PCDH15: variants seen among roughly 807,000 people sequenced by gnomAD.
PCDH15 encodes protocadherin related 15.
PCDH15 carries 129 observed loss-of-function variants against 178.5 expected under a neutral mutation model. The observed-to-expected ratio is 0.72, with a 90% CI of 0.63 to 0.84. The LOEUF is 0.84. PCDH15 is among the 40% of genes least tolerant of loss of function. The pLI, the probability that PCDH15 is intolerant of heterozygous loss-of-function variation, is 0.00. For missense variants in PCDH15, 2,230 were observed against 2,099.9 expected (o/e 1.06, Z -1.21); for synonymous variants, 800 against 732.0 (o/e 1.09, Z -1.50).
chr10:55,252,436 T>C (rs1841863228), intron 1 of PCDH15, among the ~76,000 whole-genome samples: 3 of 152,118 alleles, frequency 2.0e-5, no homozygotes, highest in Admixed American at 2.0e-4. Context: ...TTTTAAAAAA[T>C]ATTTAATTAT....
chr10:55,521,752 C>T (rs1460670894), intron 2 of PCDH15, among the ~76,000 whole-genome samples: 1 of 151,806 alleles, frequency 6.6e-6, no homozygotes, highest in East Asian at 1.9e-4. Context: ...CACAATAAAC[C>T]TATGGTAAGC....
chr10:54,903,427 A>G (rs1564617900), intron 2 of PCDH15, among the ~76,000 whole-genome samples: 1 of 152,176 alleles, frequency 6.6e-6, no homozygotes, highest in Non-Finnish European at 1.5e-5. Flanking sequence ...CTTCCAAAGT[A>G]TAATAGCTAA....
chr10:55,152,944 A>T (rs1288763783), intron 2 of PCDH15, among the ~76,000 whole-genome samples: 1 of 151,786 alleles, frequency 6.6e-6, no homozygotes, highest in Non-Finnish European at 1.5e-5. Context: ...ACTCCCTCTC[A>T]CCACCATGAA....
Position 54,584,851 on chromosome 10 carries a change from T to C in PCDH15, c.92-56974A>G, listed in dbSNP as rs2091335815. Reference sequence around the variant, plus strand: ...AATGTGACCAAATGTCCATTAGCAATGATAGTCTAGTCATATAAAAATGTG... The same window carrying C: ...AATGTGACCAAATGTCCATTAGCAACGATAGTCTAGTCATATAAAAATGTG... On this transcript the variant is annotated intron_variant, in intron 2 of 37. Coordinates refer to ENST00000644397, the MANE Select transcript of PCDH15 (RefSeq NM_001384140.1). Among the ~76,000 whole-genome samples the C allele has an allele frequency of 2.6e-5, 4 of 152,176 alleles. No individual in the cohort carries two copies. The South Asian group carries it at 8.3e-4, about 32-fold the overall frequency.
chr10:54,745,450 G>A (rs991029782), intron 1 of PCDH15, among the ~76,000 whole-genome samples: 2 of 152,020 alleles, frequency 1.3e-5, no homozygotes, highest in African/African-American at 2.4e-5. Context: ...ACAGTTATAC[G>A]ATCTCTCTGA....
At chr10:55,390,161 G>A (rs1261775992) in intron 2 of PCDH15, among the ~76,000 whole-genome samples, 1 of 151,734 alleles carries the variant, frequency 6.6e-6, no homozygotes, top group African/African-American at 2.4e-5. Flanking sequence ...TAAAATTTAT[G>A]GTTGCATTAT....
chr10:54,840,326 A>G (rs543328682), intron 3 of PCDH15, among the ~76,000 whole-genome samples: 1 of 152,166 alleles, frequency 6.6e-6, no homozygotes, highest in African/African-American at 2.4e-5. Flanking sequence ...TGGGAGATGT[A>G]AAAGTGTAGA....
chr10:55,516,297 C>T (rs752186296), intron 2 of PCDH15, among the ~76,000 whole-genome samples: 6 of 152,112 alleles, frequency 3.9e-5, no homozygotes, highest in Non-Finnish European at 8.8e-5. Flanking sequence ...CTCTTGTCTG[C>T]TTCCATGTAA....
chr10:54,150,546 CTATTTA>C (rs1194047579), intron 14 of PCDH15, among the ~76,000 whole-genome samples: 3 of 151,494 alleles, frequency 2.0e-5, no homozygotes. Context: ...TACTTTTTTT[CTATTTA>C]TATGTAGTTT....
intron 2 of PCDH15, among the ~76,000 whole-genome samples, chr10:55,483,490 A>G (rs1236498476): frequency 6.6e-6 from 1 of 151,848 alleles, no homozygotes; most frequent in Non-Finnish European, 1.5e-5. Flanking sequence ...GATTGTGGAG[A>G]AAAAGGAATA....
At chr10:53,868,388 A>G (rs1051041274) in intron 26 of PCDH15, among the ~76,000 whole-genome samples, 2 of 152,112 alleles carry the variant, frequency 1.3e-5, no homozygotes, top group Non-Finnish European at 2.9e-5. Context: ...TTATCTAATA[A>G]CAATATAAAA....
intron 1 of PCDH15, among the ~76,000 whole-genome samples, chr10:54,673,541 C>T (rs925031014): frequency 2.6e-5 from 4 of 152,008 alleles, no homozygotes; most frequent in Non-Finnish European, 5.9e-5. Context: ...TGGGTTCAAG[C>T]GATTTTCCTG....
At chr10:54,379,888 C>T (rs1948972251) in intron 3 of PCDH15, among the ~76,000 whole-genome samples, 1 of 151,900 alleles carries the variant, frequency 6.6e-6, no homozygotes, top group Non-Finnish European at 1.5e-5. Context: ...TGGCAACTAT[C>T]GAGAGAACAC....
intron 3 of PCDH15, among the ~76,000 whole-genome samples, chr10:54,386,379 T>C (rs1190926981): frequency 6.6e-6 from 1 of 152,076 alleles, no homozygotes; most frequent in African/African-American, 2.4e-5. Context: ...GGATCATAGG[T>C]TGGACAAGCT....
At chr10:54,017,824 A>G (rs1028802421) in intron 20 of PCDH15, among the ~76,000 whole-genome samples, 1 of 152,176 alleles carries the variant, frequency 6.6e-6, no homozygotes, top group African/African-American at 2.4e-5. Context: ...AAGACACTAA[A>G]AAAAGAAAAG....
intron 1 of PCDH15, among the ~76,000 whole-genome samples, chr10:54,775,714 T>C (rs1178143041): frequency 6.6e-6 from 1 of 152,006 alleles, no homozygotes; most frequent in East Asian, 1.9e-4. Flanking sequence ...GGAAACCCCG[T>C]CTCTACTAAA....
At chr10:54,287,429 A>C (rs563004571) in intron 8 of PCDH15, among the ~76,000 whole-genome samples, 74 of 152,190 alleles carry the variant, frequency 4.9e-4, no homozygotes, top group African/African-American at 1.7e-3. Context: ...TGTGTTTTAA[A>C]ATGCCTTTTT....
intron 1 of PCDH15, among the ~76,000 whole-genome samples, chr10:54,674,948 T>C (rs982018947): frequency 1.3e-5 from 2 of 152,076 alleles, no homozygotes; most frequent in African/African-American, 4.8e-5. Context: ...GTTGTCTTAC[T>C]CACAAAGACT....
chr10:54,360,158 G>A (rs1945768430), intron 5 of PCDH15, among the ~76,000 whole-genome samples: 2 of 151,996 alleles, frequency 1.3e-5, no homozygotes, highest in Admixed American at 1.3e-4. Context: ...TAGTATCAAG[G>A]AACTGGAGTT....
Sources: allele counts gnomAD v4.1 joint callset (sites outside exome capture counted in the v4.1 genomes callset), GRCh38; gene constraint gnomAD v4.1.1; transcripts MANE v1.5; gene names NCBI Gene and HGNC (gene_info 2026-07-23, HGNC 2026-07-21).